FER1L6: variants seen among roughly 807,000 people sequenced by gnomAD.
FER1L6 encodes the protein fer-1-like protein 6.
FER1L6 carries 177 observed loss-of-function variants against 219.2 expected under a neutral mutation model. The observed-to-expected ratio is 0.81, with a 90% CI of 0.71 to 0.91. The LOEUF is 0.91. Among genes scored for constraint, FER1L6 ranks in the 40% least tolerant of loss-of-function variants. The probability of loss-of-function intolerance (pLI) is 0.00; values close to 1 mark genes in which losing one functional copy is unlikely to be tolerated. For synonymous variants in FER1L6, 768 were observed against 824.3 expected (o/e 0.93, Z 1.17); for missense variants, 2,153 against 2,259.9 (o/e 0.95, Z 0.96).
At chr8:123,909,769 GGGGATGATGTA>G in intron 1 of FER1L6, among the ~76,000 whole-genome samples, 1 of 8,284 alleles carries the variant, frequency 1.2e-4, no homozygotes, top group South Asian at 7.9e-3. Context: ...TTGTCAACTA[GGGGATGATGTA>G]GCTGTCCTTG....
chr8:124,017,747 G>C (rs1418788943), intron 16 of FER1L6, 29 bp downstream of exon 16: 2 of 1,579,040 alleles, frequency 1.3e-6, no homozygotes, highest in Non-Finnish European at 1.7e-6. Context: ...ATACTTTGTG[G>C]ACAGAGTTAA....
chr8:124,094,042 T>C (rs1289590730), intron 34 of FER1L6, among the ~76,000 whole-genome samples: 2 of 152,162 alleles, frequency 1.3e-5, no homozygotes, highest in Non-Finnish European at 2.9e-5. Flanking sequence ...ACCTGTAGTT[T>C]TTATCATGAA....
chr8:123,991,398 TCTC>T (rs762974078), intron 12 of FER1L6, among the ~76,000 whole-genome samples: 107 of 152,214 alleles, frequency 7.0e-4, no homozygotes, highest in African/African-American at 2.2e-3. Flanking sequence ...GTTTTGTAGT[TCTC>T]CTTGCAGAGA....
chr8:123,861,281 C>G (rs1244996887), intron 1 of FER1L6, among the ~76,000 whole-genome samples: 2 of 125,170 alleles, frequency 1.6e-5, no homozygotes, highest in African/African-American at 6.7e-5. Context: ...TGTCAAAGAT[C>G]AGATAGTTGT....
intron 1 of FER1L6, among the ~76,000 whole-genome samples, chr8:123,915,886 G>C (rs1813174315): frequency 6.6e-6 from 1 of 152,194 alleles, no homozygotes; most frequent in Non-Finnish European, 1.5e-5. Flanking sequence ...CAGGTGGAAG[G>C]TATAGACAGC....
At chr8:124,004,639 T>C (rs1282224282) in intron 13 of FER1L6, among the ~76,000 whole-genome samples, 1 of 152,102 alleles carries the variant, frequency 6.6e-6, no homozygotes, top group Non-Finnish European at 1.5e-5. Flanking sequence ...ACAACTTTTC[T>C]TCTTTCCCTA....
intron 33 of FER1L6, among the ~76,000 whole-genome samples, chr8:124,086,450 A>T (rs1019513115): frequency 1.3e-5 from 2 of 151,650 alleles, no homozygotes; most frequent in Non-Finnish European, 2.9e-5. Flanking sequence ...AAACAAACAA[A>T]AAAAAAAAGC....
intron 34 of FER1L6, 140 bp downstream of exon 34, chr8:124,091,723 A>G (rs1822039678): frequency 3.5e-6 from 3 of 859,438 alleles, no homozygotes; most frequent in South Asian, 1.8e-5. Context: ...TCCCAGCACT[A>G]TGGGAGGCTG....
chr8:123,936,942 G>T (rs1349832835), intron 1 of FER1L6, among the ~76,000 whole-genome samples: 2 of 152,088 alleles, frequency 1.3e-5, no homozygotes, highest in African/African-American at 4.8e-5. Flanking sequence ...TGTCGCATTT[G>T]TTGCCCAGAC....
chr8:123,923,323 C>A, intron 1 of FER1L6, among the ~76,000 whole-genome samples: 1 of 152,200 alleles, frequency 6.6e-6, no homozygotes, highest in Admixed American at 6.5e-5. Flanking sequence ...ATGTCACCTG[C>A]AGAATGAGAT....
intron 38 of FER1L6, among the ~76,000 whole-genome samples, chr8:124,102,830 AG>A (rs1822601303): frequency 6.6e-6 from 1 of 152,188 alleles, no homozygotes; most frequent in African/African-American, 2.4e-5. Context: ...ATCCAGGCTT[AG>A]GGAGCAGAGG....
rs1814605192 is a variant in FER1L6 at position 123,948,585 on chromosome 8, T to C, written c.-7-7407T>C. Reference sequence around the variant, plus strand: ...AGTTTTTGAATTTTTGATGCTATTATAAAATCTTTTATTTCTAATTTTAAT... The same window carrying C: ...AGTTTTTGAATTTTTGATGCTATTACAAAATCTTTTATTTCTAATTTTAAT... On this transcript the variant is annotated intron_variant, in intron 1 of 40. Coordinates refer to ENST00000522917, the MANE Select transcript of FER1L6 (RefSeq NM_001039112.2). 2.0e-5 allele frequency among the ~76,000 whole-genome samples: 3 copies of C among 152,190 alleles called. No homozygotes were observed. The South Asian group carries it at 6.2e-4, about 31-fold the overall frequency.
At chr8:123,940,907 T>C (rs1275952733) in intron 1 of FER1L6, among the ~76,000 whole-genome samples, 1 of 152,158 alleles carries the variant, frequency 6.6e-6, no homozygotes, top group East Asian at 1.9e-4. Flanking sequence ...AGGAAAGGCA[T>C]GGAGGAGATT....
At chr8:124,104,943 G>C (rs1162140268) in intron 39 of FER1L6, among the ~76,000 whole-genome samples, 1 of 152,134 alleles carries the variant, frequency 6.6e-6, no homozygotes. Flanking sequence ...TGTTATCATA[G>C]AGCTTACAGT....
intron 23 of FER1L6, 107 bp downstream of exon 23, chr8:124,060,397 A>G: frequency 7.0e-7 from 1 of 1,426,936 alleles, no homozygotes; most frequent in African/African-American, 1.4e-5. Flanking sequence ...CTAGAGAAAA[A>G]GAATGAGCCC....
At chr8:124,067,648 C>G in intron 27 of FER1L6, 119 bp from the exon 28 acceptor site, 1 of 897,408 alleles carries the variant, frequency 1.1e-6, no homozygotes, top group Non-Finnish European at 1.7e-6. Context: ...TGCTTACAGA[C>G]TGTTTGAATA....
rs1337572113 is a variant in FER1L6 at position 124,045,799 on chromosome 8, C to G, written c.2622C>G (p.Asn874Lys). Residue 874 changes from asparagine to lysine, a missense_variant, in exon 21 of 41, where the codon AAC (asparagine) becomes AAG (lysine). Coordinates refer to ENST00000522917, the MANE Select transcript of FER1L6 (RefSeq NM_001039112.2). ...IISQTLSPTWNQMLLFNDLVL... is the reference protein window; with the variant it reads ...IISQTLSPTWKQMLLFNDLVL... ...CCCAGACCCTCTCTCCGACCTGGAA[C>G]CAGATGCTGCTGTTCAATGATTTGG... The G allele has an allele frequency of 4.3e-6, 7 of 1,613,988 alleles. No homozygotes were observed. The highest frequency in any genetic ancestry group is 4.2e-6 in the Non-Finnish European group (5 of 1,180,006).
At chr8:123,879,480 C>A (rs1265550368) in intron 1 of FER1L6, among the ~76,000 whole-genome samples, 1 of 152,052 alleles carries the variant, frequency 6.6e-6, no homozygotes. Context: ...GCGCCCACCA[C>A]CATGCCCAGC....
chr8:124,049,917 G>A (rs944984091), intron 22 of FER1L6, among the ~76,000 whole-genome samples, 161 bp downstream of exon 22: 3 of 152,208 alleles, frequency 2.0e-5, no homozygotes, highest in Admixed American at 2.0e-4. Flanking sequence ...TAAGAACTCA[G>A]GTGACTTGGA....
Sources: allele counts gnomAD v4.1 joint callset (sites outside exome capture counted in the v4.1 genomes callset), GRCh38; gene constraint gnomAD v4.1.1; transcripts MANE v1.5; gene names NCBI Gene and HGNC (gene_info 2026-07-23, HGNC 2026-07-21).